MBD5: variants seen among roughly 807,000 people sequenced by gnomAD.
The protein encoded by MBD5 is methyl-CpG-binding domain protein 5.
In MBD5, 13 loss-of-function variants were observed where a neutral mutation model predicts 117.3. That is an observed-to-expected ratio of 0.11 (90% CI 0.07 to 0.18). The LOEUF (loss-of-function observed/expected upper bound fraction) is 0.18. MBD5 is among the 10% of genes least tolerant of loss of function. MBD5 has a pLI of 1.00. For missense variants in MBD5, 1,879 were observed against 2,093.8 expected, an observed-to-expected ratio of 0.90 and a Z score of 2.00; for synonymous variants, 727 against 766.4, an observed-to-expected ratio of 0.95 and a Z score of 0.85.
intron 3 of MBD5, among the ~76,000 whole-genome samples, chr2:148,261,824 T>C (rs1450710562): frequency 1.3e-5 from 2 of 152,252 alleles, no homozygotes; most frequent in Non-Finnish European, 2.9e-5. Context: ...TTGATTTGAA[T>C]TGAGACATGT....
intron 8 of MBD5, chr2:148,472,291 A>G (rs952069652): frequency 6.6e-6 from 1 of 152,104 alleles, no homozygotes; most frequent in East Asian, 1.9e-4. Flanking sequence ...TAGTGTCAGA[A>G]AAGTGTGAGC....
In MBD5 at chr2:148,209,317, G is replaced by A. The variant is rs143167596; in HGVS notation, c.-830-23928G>A. Among the ~76,000 whole-genome samples, 205 of 152,090 alleles carry A rather than the reference G, an allele frequency of 1.3e-3. 1 individual carries two copies. The highest frequency in any genetic ancestry group is 4.7e-3 in the African/African-American group (195 of 41,504). On this transcript the variant is annotated intron_variant, in intron 2 of 13. Transcript: ENST00000642680. ...ATGTTACGAGGTGGGACTTTTAGGG[G>A]CCAATTAGATCATGAGGGCAGATCC...
intron 1 of MBD5, among the ~76,000 whole-genome samples, chr2:148,113,059 G>A (rs192716592): frequency 1.3e-5 from 2 of 152,282 alleles, no homozygotes; most frequent in East Asian, 1.9e-4. Context: ...GCAATCACCA[G>A]TATTACTTCT....
At chr2:148,046,738 AATTAATCTGCCTCT>A (rs1694545889) in intron 1 of MBD5, among the ~76,000 whole-genome samples, 1 of 152,162 alleles carries the variant, frequency 6.6e-6, no homozygotes, top group African/African-American at 2.4e-5. Context: ...CTCCTTAGCT[AATTAATCTGCCTCT>A]GACTTTTCTG....
intron 3 of MBD5, among the ~76,000 whole-genome samples, chr2:148,305,780 G>C (rs531365271): frequency 6.6e-6 from 1 of 152,290 alleles, no homozygotes; most frequent in Non-Finnish European, 1.5e-5. Flanking sequence ...TAGAATGTTA[G>C]TTTGGACAGT....
At chr2:148,263,165 T>G (rs1700771921) in intron 3 of MBD5, among the ~76,000 whole-genome samples, 2 of 152,206 alleles carry the variant, frequency 1.3e-5, no homozygotes, top group African/African-American at 4.8e-5. Flanking sequence ...CATAGGGTGC[T>G]CATATGAAGA....
At chr2:148,304,989 C>A (rs1162309438) in intron 3 of MBD5, among the ~76,000 whole-genome samples, 1 of 150,812 alleles carries the variant, frequency 6.6e-6, no homozygotes, top group African/African-American at 2.4e-5. Flanking sequence ...GGCGTGAACC[C>A]GGGAGGCGGA....
At chr2:148,061,159 G>A (rs911452651) in intron 1 of MBD5, among the ~76,000 whole-genome samples, 10 of 151,772 alleles carry the variant, frequency 6.6e-5, no homozygotes, top group African/African-American at 1.2e-4. Context: ...TATTTTGATC[G>A]TTATTCCTTT....
At chr2:148,284,970 G>A (rs1395717265) in intron 3 of MBD5, among the ~76,000 whole-genome samples, 2 of 152,190 alleles carry the variant, frequency 1.3e-5, no homozygotes, top group African/African-American at 2.4e-5. Context: ...GCAAATGATA[G>A]AGTTGGTTAT....
At chr2:148,359,537 G>A (rs921952669) in intron 4 of MBD5, among the ~76,000 whole-genome samples, 9 of 152,036 alleles carry the variant, frequency 5.9e-5, no homozygotes, top group African/African-American at 2.2e-4. Flanking sequence ...AGTGTGATAT[G>A]TAAAAAGCAT....
At chr2:148,172,644 C>T (rs905224911) in intron 1 of MBD5, among the ~76,000 whole-genome samples, 2 of 152,262 alleles carry the variant, frequency 1.3e-5, no homozygotes, top group Non-Finnish European at 2.9e-5. Context: ...CAGCCTGAAG[C>T]GTGGGTGCTA....
chr2:148,144,133 G>A (rs1158686970), intron 1 of MBD5, among the ~76,000 whole-genome samples: 8 of 151,852 alleles, frequency 5.3e-5, no homozygotes, highest in Non-Finnish European at 8.8e-5. Flanking sequence ...TTTAATGATC[G>A]CCATTCTAAC....
chr2:148,030,486 T>A (rs1694007937), intron 1 of MBD5, among the ~76,000 whole-genome samples: 1 of 152,136 alleles, frequency 6.6e-6, no homozygotes, highest in African/African-American at 2.4e-5. Context: ...TTTATGAATG[T>A]ATATGTTTAC....
At chr2:148,309,467 A>G (rs563625879) in intron 3 of MBD5, among the ~76,000 whole-genome samples, 21 of 151,648 alleles carry the variant, frequency 1.4e-4, no homozygotes, top group Admixed American at 1.2e-3. Context: ...TTACTGGTGT[A>G]TAGGGTGATT....
At chr2:148,419,721 GCCACCCTCTA>G (rs1705539090) in intron 4 of MBD5, among the ~76,000 whole-genome samples, 1 of 151,980 alleles carries the variant, frequency 6.6e-6, no homozygotes, top group South Asian at 2.1e-4. Flanking sequence ...ATTATATCCA[GCCACCCTCTA>G]CCTACCTTTC....
intron 4 of MBD5, among the ~76,000 whole-genome samples, chr2:148,388,130 C>T (rs1003783870): frequency 6.6e-6 from 1 of 152,052 alleles, no homozygotes; most frequent in East Asian, 1.9e-4. Context: ...ACAGCTTGAC[C>T]AAAGGAACAA....
At chr2:148,176,299 GTTT>G in intron 1 of MBD5, among the ~76,000 whole-genome samples, 1 of 98,086 alleles carries the variant, frequency 1.0e-5, no homozygotes, top group Middle Eastern at 5.4e-3. Context: ...GTTTATTAGA[GTTT>G]TGTTTTTTTT....
intron 2 of MBD5, among the ~76,000 whole-genome samples, chr2:148,204,120 A>T (rs1218365738): frequency 6.6e-6 from 1 of 152,218 alleles, no homozygotes; most frequent in African/African-American, 2.4e-5. Context: ...CCTTTGTTGG[A>T]AAAACCTACA....
At position 148,489,965 on chromosome 2, in the gene MBD5, T is replaced by G. The variant is rs1681469923; in HGVS notation, c.4333T>G (p.Tyr1445Asp). 1.2e-6 allele frequency: 2 copies of G among 1,613,648 alleles called. No individual in the cohort carries two copies. The highest frequency in any genetic ancestry group is 1.7e-6 in the Non-Finnish European group (2 of 1,179,920). Residue 1445 changes from tyrosine (Y) to aspartate (D), a missense_variant, in exon 11 of 14, where the codon TAC (tyrosine) becomes GAC (aspartate). This residue lies in a region of MBD5 where 1,666 missense variants were observed against 1,792.2 expected (regional missense o/e 0.93). Coordinates refer to ENST00000642680, the MANE Select transcript of MBD5 (RefSeq NM_001378120.1). Reference sequence around the variant, plus strand: ...CAGAGGGGAGCGAAACAGGTGGAAGTACGAGGAATTTTTAGATCATCCAGG... The same window carrying G: ...CAGAGGGGAGCGAAACAGGTGGAAGGACGAGGAATTTTTAGATCATCCAGG... Reference protein sequence around the residue: ...SPRGERNRWKYEEFLDHPGHI... With the variant: ...SPRGERNRWKDEEFLDHPGHI...
Sources: gnomAD v4.1 joint callset for allele counts (sites outside exome capture counted in the v4.1 genomes callset) on GRCh38, gnomAD v4.1.1 for gene constraint, gnomAD v4.1.1 regional missense constraint, MANE v1.5 for transcripts, NCBI Gene and HGNC (gene_info 2026-07-23, HGNC 2026-07-21) for gene names.